Variants in SCMH1 observed in about 807,000 individuals in gnomAD.
SCMH1 encodes the protein Scm polycomb group protein homolog 1.
In SCMH1, 37 loss-of-function variants were observed where a neutral mutation model predicts 70.8. That is an observed-to-expected ratio of 0.52 (90% confidence interval 0.40 to 0.69). The LOEUF is 0.69. Ranked by LOEUF, SCMH1 falls within the 30% of genes least tolerant of loss-of-function variation. The pLI, the probability that SCMH1 is intolerant of heterozygous loss-of-function variation, is 0.00. For missense variants in SCMH1, 607 were observed against 827.3 expected (o/e 0.73, Z 3.27); for synonymous variants, 292 against 307.4 (o/e 0.95, Z 0.52).
chr1:41,152,235 GCT>G (rs1334305417), intron 4 of SCMH1, among the ~76,000 whole-genome samples: 3 of 152,090 alleles, frequency 2.0e-5, no homozygotes, highest in African/African-American at 7.2e-5. Flanking sequence ...CTAAAAACTG[GCT>G]CTCTCTCACC....
At chr1:41,117,643 C>T (rs180722760) in intron 6 of SCMH1, among the ~76,000 whole-genome samples, 29 of 152,300 alleles carry the variant, frequency 1.9e-4, no homozygotes, top group African/African-American at 6.5e-4. Flanking sequence ...GTTCCTAGTT[C>T]GCCTTCATGT....
intron 10 of SCMH1, among the ~76,000 whole-genome samples, chr1:41,067,926 A>G (rs1481154914): frequency 1.3e-5 from 2 of 152,172 alleles, no homozygotes; most frequent in African/African-American, 2.4e-5. Flanking sequence ...AAATCTCTGT[A>G]TCTACCACTC....
At chr1:41,055,079 A>G (rs1465907104) in intron 10 of SCMH1, among the ~76,000 whole-genome samples, 1 of 152,066 alleles carries the variant, frequency 6.6e-6, no homozygotes, top group Non-Finnish European at 1.5e-5. Flanking sequence ...CACTGCACCT[A>G]GCTGAAAAAC....
At chr1:41,083,441 G>A (rs572583369) in intron 8 of SCMH1, among the ~76,000 whole-genome samples, 72 of 152,222 alleles carry the variant, frequency 4.7e-4, no homozygotes, top group South Asian at 3.1e-3. Context: ...CCTCTTCAAG[G>A]AGAACTACAA....
intron 4 of SCMH1, among the ~76,000 whole-genome samples, chr1:41,159,147 A>C (rs1351696277): frequency 6.6e-6 from 1 of 152,160 alleles, no homozygotes; most frequent in Non-Finnish European, 1.5e-5. Flanking sequence ...ATTTTATTTC[A>C]GTTTGCTATT....
At chr1:41,186,582 G>C (rs1319040423) in intron 1 of SCMH1, among the ~76,000 whole-genome samples, 1 of 152,176 alleles carries the variant, frequency 6.6e-6, no homozygotes, top group African/African-American at 2.4e-5. Context: ...GTTATGGGCT[G>C]AACTGTGTCT....
chr1:41,127,583 A>G (rs1015381229), intron 6 of SCMH1, among the ~76,000 whole-genome samples: 1 of 152,144 alleles, frequency 6.6e-6, no homozygotes, highest in African/African-American at 2.4e-5. Flanking sequence ...GAAAAAGTCA[A>G]TTTTATCCAA....
intron 1 of SCMH1, among the ~76,000 whole-genome samples, chr1:41,241,668 G>T (rs1272861508): frequency 6.6e-6 from 1 of 152,086 alleles, no homozygotes; most frequent in Non-Finnish European, 1.5e-5. Context: ...AGCCTGCCCC[G>T]GCCCACCCGG....
intron 1 of SCMH1, among the ~76,000 whole-genome samples, chr1:41,231,829 C>G (rs1380957237): frequency 6.6e-6 from 1 of 151,790 alleles, no homozygotes; most frequent in African/African-American, 2.4e-5. Context: ...GAGAACAGCC[C>G]GGCCAACATA....
At chr1:41,058,375 C>CTTTTTTTTTTTT (rs1252087982) in intron 10 of SCMH1, among the ~76,000 whole-genome samples, 14 of 38,980 alleles carry the variant, frequency 3.6e-4, no homozygotes, top group East Asian at 2.5e-3. Flanking sequence ...CATTTTCTTT[C>CTTTTTTTTTTTT]TTGTTTTTTT....
chr1:41,231,052 C>G (rs542265644), intron 1 of SCMH1, among the ~76,000 whole-genome samples: 7 of 152,282 alleles, frequency 4.6e-5, no homozygotes, highest in African/African-American at 9.6e-5. Flanking sequence ...AAGTTGAGAA[C>G]AGAACAGTAG....
exon 14 of SCMH1, chr1:41,028,621 G>A: frequency 6.2e-7 from 1 of 1,614,182 alleles, no homozygotes; most frequent in Non-Finnish European, 8.5e-7. Flanking sequence ...TCCAAGCTGA[G>A]GATCAGCTTC....
intron 10 of SCMH1, among the ~76,000 whole-genome samples, chr1:41,055,751 A>G (rs1650034413): frequency 6.6e-6 from 1 of 152,208 alleles, no homozygotes; most frequent in African/African-American, 2.4e-5. Flanking sequence ...GTAGGTAGTG[A>G]GCAGACAACT....
intron 8 of SCMH1, among the ~76,000 whole-genome samples, chr1:41,108,842 C>T (rs978711789): frequency 6.6e-6 from 1 of 152,168 alleles, no homozygotes; most frequent in African/African-American, 2.4e-5. Flanking sequence ...TAAAAGTGCC[C>T]ACTAGGGATC....
At chr1:41,051,690 A>G (rs1255454255) in intron 10 of SCMH1, among the ~76,000 whole-genome samples, 4 of 152,200 alleles carry the variant, frequency 2.6e-5, no homozygotes, top group African/African-American at 9.6e-5. Flanking sequence ...AGCTTACAGA[A>G]TAAAGATAAA....
chr1:41,124,720 G>A (rs2147997375), intron 6 of SCMH1, among the ~76,000 whole-genome samples: 1 of 151,810 alleles, frequency 6.6e-6, no homozygotes, highest in South Asian at 2.1e-4. Context: ...TGATCCCCCT[G>A]AGCAACTAGG....
intron 1 of SCMH1, among the ~76,000 whole-genome samples, chr1:41,214,162 A>G (rs1657624118): frequency 6.6e-6 from 1 of 152,158 alleles, no homozygotes; most frequent in African/African-American, 2.4e-5. Flanking sequence ...TTACTTGGGT[A>G]TCAGTGAACA....
chr1:41,028,461 G>GCCTA, intron 14 of SCMH1, 123 bp downstream of exon 15: 1 of 1,501,578 alleles, frequency 6.7e-7, no homozygotes, highest in South Asian at 1.2e-5. Flanking sequence ...TGATGCTGAA[G>GCCTA]CCTACCTGTT....
chr1:41,215,572 G>A (rs1019961265), intron 1 of SCMH1, among the ~76,000 whole-genome samples: 2 of 151,894 alleles, frequency 1.3e-5, no homozygotes, highest in African/African-American at 2.4e-5. Context: ...TCTGCAATGA[G>A]GCCCCTTTTC....
Sources: gnomAD v4.1 joint callset for allele counts (sites outside exome capture counted in the v4.1 genomes callset) on GRCh38, gnomAD v4.1.1 for gene constraint, MANE v1.5 for transcripts, NCBI Gene and HGNC (gene_info 2026-07-23, HGNC 2026-07-21) for gene names.